The following NOTCH3 variants were observed in gnomAD, a reference collection of about 807,000 sequenced individuals.
The protein encoded by NOTCH3 is notch receptor 3.
In NOTCH3, 86 loss-of-function variants were observed where a neutral mutation model predicts 213.3. The observed-to-expected ratio is 0.40, with a 90% CI of 0.34 to 0.48. The LOEUF (loss-of-function observed/expected upper bound fraction) is 0.48, where lower values mean the gene tolerates loss of function less well. Among genes scored for constraint, NOTCH3 ranks in the 20% least tolerant of loss-of-function variants. NOTCH3 has a pLI of 0.57. For missense variants in NOTCH3, 2,783 were observed against 3,272.6 expected, an observed-to-expected ratio of 0.85 and a Z score of 3.65; for synonymous variants, 1,354 against 1,355.9, an observed-to-expected ratio of 1.00 and a Z score of 0.03.
Position 15,184,382 on chromosome 19 carries a change from TG to T in NOTCH3, c.2478del (p.Cys826Ter). The T allele has an allele frequency of 6.2e-7, 1 of 1,613,820 alleles. No individual in the cohort carries two copies. Among genetic ancestry groups the T allele is most frequent in the Non-Finnish European group, 8.5e-7 (1 of 1,179,934 alleles). On this transcript the variant is annotated frameshift_variant, in exon 16 of 33. Transcript: ENST00000263388. LOFTEE classifies it high-confidence loss of function. ...GPAPCGPHGICTNLAGSFSCT... is the reference protein window; with the variant it reads ...GPAPCGPHGIXTNLAGSFSCT... Reference sequence around the variant, plus strand: ...CAGCTGAAACTCCCTGCCAGGTTGGTGCAGATACCATGAGGGCCACAGGGTG... The same window carrying T: ...CAGCTGAAACTCCCTGCCAGGTTGGTCAGATACCATGAGGGCCACAGGGTG...
chr19:15,168,517 G>T (rs2046703939), intron 28 of NOTCH3, among the ~76,000 whole-genome samples: 4 of 152,090 alleles, frequency 2.6e-5, no homozygotes, highest in Admixed American at 2.6e-4. Flanking sequence ...GGATCTGTAT[G>T]GACTCAATTG....
intron 29 of NOTCH3, among the ~76,000 whole-genome samples, chr19:15,166,809 G>C (rs2074622): frequency 0.9 from 136,807 of 151,792 alleles, 61,969 homozygotes; most frequent in African/African-American, 0.98. Context: ...CGCTCCACCA[G>C]CAGACCCGAC....
chr19:15,183,384 T>TTTTGTTGGTTTG (rs2046855441), intron 16 of NOTCH3, among the ~76,000 whole-genome samples: 1 of 150,178 alleles, frequency 6.7e-6, no homozygotes, highest in Admixed American at 6.7e-5. Flanking sequence ...CAGCACCCCT[T>TTTTGTTGGTTTG]TTTGTTTGTT....
At position 15,189,045 on chromosome 19, in the gene NOTCH3, C is replaced by T. The variant is rs1188038977; in HGVS notation, c.1322G>A (p.Arg441Gln). ...DVNECLSGPC[R>Q]NQATCLDRIG... ...GCGGTCGAGGCACGTGGCCTGGTTT[C>T]GGCAGGGCCCCGACAGACACTCGTT... The change falls in exon 8 of 33, where the codon CGA becomes CAA. Residue 441 changes from arginine to glutamine, a missense_variant. Coordinates refer to ENST00000263388, the MANE Select transcript of NOTCH3 (RefSeq NM_000435.3). The T allele has an allele frequency of 4.3e-6, 7 of 1,613,146 alleles. No individual in the cohort carries two copies. The highest frequency in any genetic ancestry group is 4.5e-5 in the East Asian group (2 of 44,880).
At position 15,187,348 on chromosome 19, in the gene NOTCH3, CAA is replaced by C. The variant is rs2046891476; in HGVS notation, c.1607-12_1607-11del. On this transcript the variant is annotated splice_polypyrimidine_tract_variant and intron_variant, in intron 10 of 32. Coordinates refer to ENST00000263388, the MANE Select transcript of NOTCH3 (RefSeq NM_000435.3). ...AGCGTGCCCTCAAAGCCTGTGGGGC[CAA>C]GAGGGTCAGGCTCCGCCCACTTGCC... 1 of 1,610,746 alleles carries C rather than the reference CAA, an allele frequency of 6.2e-7. No individual in the cohort carries two copies. Among genetic ancestry groups the C allele is most frequent in the Non-Finnish European group, 8.5e-7 (1 of 1,178,432 alleles).
At position 15,165,284 on chromosome 19, in the gene NOTCH3, C is replaced by T. The variant is rs1200958585; in HGVS notation, c.5815+84G>A. The T allele has an allele frequency of 3.5e-6, 5 of 1,419,694 alleles. No homozygotes were observed. Among genetic ancestry groups the T allele is most frequent in the African/African-American group, 2.8e-5 (2 of 71,348 alleles). The allele number at this position is 1,419,694 out of a possible 1,614,324, so 87.9% of individuals were successfully genotyped here. A position where few individuals can be genotyped will look rare whatever the true frequency, so the allele number is the denominator to read the frequency against. ...GTGAGCTTCAGTGATTGGGTCTCAA[C>T]ATGGGTATGAATTTGCACCAACATG... is the stretch of plus-strand genomic sequence containing the variant. On this transcript the variant is annotated intron_variant, in intron 31 of 32. Transcript: ENST00000263388. The surrounding 1 kb of genome is among the most constrained non-coding windows in gnomAD (Gnocchi z 4.7).
At position 15,161,622 on chromosome 19, in the gene NOTCH3, G is replaced by A. The variant is rs765505445; in HGVS notation, c.6006C>T (p.Asp2002=). 51 of 1,613,550 alleles carry A rather than the reference G, an allele frequency of 3.2e-5. No homozygotes were observed. Among genetic ancestry groups the A allele is most frequent in the Non-Finnish European group, 4.2e-5 (49 of 1,179,822 alleles). The change falls in exon 33 of 33, where the codon GAC becomes GAT. Residue 2002 remains aspartate (D), a synonymous_variant. Transcript: ENST00000263388. The part of the protein sequence containing the change: ...LDHFANREIT[D]HLDRLPRDVA... The stretch of plus-strand genomic sequence containing the variant: ...CGTCCCGCGGCAGCCTGTCCAGGTG[G>A]TCGGTGATCTCACGGTTGGCAAAGT...
intron 24 of NOTCH3, among the ~76,000 whole-genome samples, 195 bp from the exon 25 acceptor site, chr19:15,174,595 G>A (rs1028481938): frequency 6.7e-6 from 1 of 148,182 alleles, no homozygotes; most frequent in Non-Finnish European, 1.5e-5. Flanking sequence ...TTTTTGAGAC[G>A]GAGTCTTGCT....
At chr19:15,169,776 G>C (rs2046715470) in intron 28 of NOTCH3, among the ~76,000 whole-genome samples, 1 of 152,158 alleles carries the variant, frequency 6.6e-6, no homozygotes, top group South Asian at 2.1e-4. Flanking sequence ...TGGGCTGGGG[G>C]GACACCTCCA....
intron 2 of NOTCH3, among the ~76,000 whole-genome samples, chr19:15,193,911 G>A (rs1450353829): frequency 1.3e-5 from 2 of 151,510 alleles, no homozygotes; most frequent in African/African-American, 2.4e-5. Flanking sequence ...GTGAAACCTC[G>A]TCGCTACTAA....
chr19:15,171,028 G>C (rs962049381), intron 25 of NOTCH3, among the ~76,000 whole-genome samples: 2 of 152,142 alleles, frequency 1.3e-5, no homozygotes, highest in African/African-American at 4.8e-5. Flanking sequence ...AGTCCCCCCA[G>C]AGCCATGAAT....
At chr19:15,166,549 C>G (rs1056464204) in intron 29 of NOTCH3, among the ~76,000 whole-genome samples, 1 of 152,066 alleles carries the variant, frequency 6.6e-6, no homozygotes, top group African/African-American at 2.4e-5. Flanking sequence ...CATAAAATCC[C>G]AGGCACTTCA....
Position 15,180,682 on chromosome 19 carries a change from G to C in NOTCH3, c.3141C>G (p.Ile1047Met), listed in dbSNP as rs1318025219. ...SLPCREAAAQ[I>M]GVRLEQLCQA... ...GCCCGCCCACATGCTCCCACTCACCGATCTGGGCTGCGGCCTCCCTGCAGG... is the reference window on the plus strand; with the variant it reads ...GCCCGCCCACATGCTCCCACTCACCCATCTGGGCTGCGGCCTCCCTGCAGG... Residue 1047 changes from isoleucine to methionine, a missense_variant and splice_region_variant, in exon 19 of 33, where the codon ATC becomes ATG. Physicochemically the swap from Ile to Met is conservative, Grantham distance 10 (BLOSUM62 1). Transcript: ENST00000263388. 6.4e-7 allele frequency: 1 copy of C among 1,552,396 alleles called. No homozygotes were observed. The highest frequency in any genetic ancestry group is 2.4e-5 in the East Asian group (1 of 41,390).
intron 25 of NOTCH3, among the ~76,000 whole-genome samples, chr19:15,171,381 A>C (rs2046732840): frequency 6.6e-6 from 1 of 151,606 alleles, no homozygotes; most frequent in African/African-American, 2.4e-5. Context: ...AGACGGTTTC[A>C]CTCTGTCGCC....
At position 15,184,957 on chromosome 19, in the gene NOTCH3, C is replaced by T. The variant is rs1064797234; in HGVS notation, c.2359G>A (p.Glu787Lys). ...ACAGGCAGCTGGCCAGGGGCAGACT[C>T]GCAGCGGCCCCCATGCTCACAGGGG... The part of the protein sequence containing the change: ...PNPCEHGGRC[E>K]SAPGQLPVCS... The change falls in exon 15 of 33, where the codon GAG (glutamate) becomes AAG (lysine). Residue 787 changes from glutamate to lysine, a missense_variant. Coordinates refer to ENST00000263388, the MANE Select transcript of NOTCH3 (RefSeq NM_000435.3). The T allele has an allele frequency of 9.0e-6, 14 of 1,548,592 alleles. No homozygotes were observed. Among genetic ancestry groups the T allele is most frequent in the African/African-American group, 4.1e-5 (3 of 72,954 alleles).
Position 15,177,983 on chromosome 19 carries a change from G to T in NOTCH3, c.3945C>A (p.Cys1315Ter). 7.0e-7 allele frequency: 1 copy of T among 1,429,508 alleles called. No homozygotes were observed. The highest frequency in any genetic ancestry group is 9.1e-7 in the Non-Finnish European group (1 of 1,093,558). The allele number at this position is 1,429,508 out of a possible 1,614,324, so 88.6% of individuals were successfully genotyped here. A position where few individuals can be genotyped will look rare whatever the true frequency, so the allele number is the denominator to read the frequency against. Residue 1315 changes from cysteine (C) to a stop codon, truncating the protein, a stop_gained, in exon 24 of 33, where the codon TGC (cysteine) becomes TGA (stop). Transcript: ENST00000263388. LOFTEE classifies it high-confidence loss of function. ...QQTPRGPRCACPPGLSGPSCR... is the reference protein window; with the variant it reads ...QQTPRGPRCA Reference sequence around the variant, plus strand: ...AGGAGGGTCCCGACAACCCTGGGGGGCAGGCGCAGCGCGGCCCGCGGGGCG... The same window carrying T: ...AGGAGGGTCCCGACAACCCTGGGGGTCAGGCGCAGCGCGGCCCGCGGGGCG...
intron 1 of NOTCH3, among the ~76,000 whole-genome samples, chr19:15,198,887 G>A (rs1019453007): frequency 1.3e-5 from 2 of 151,916 alleles, no homozygotes; most frequent in Non-Finnish European, 2.9e-5. Context: ...TGCCAGCCTG[G>A]CAACAGAGTG....
chr19:15,178,184 C>A, intron 23 of NOTCH3, 94 bp from the exon 24 acceptor site: 2 of 764,234 alleles, frequency 2.6e-6, no homozygotes, highest in Admixed American at 2.5e-5. Context: ...AAAGAAGAGT[C>A]AAGGGGAGAG....
chr19:15,186,032 G>T (rs752913392), intron 12 of NOTCH3, among the ~76,000 whole-genome samples: 32 of 151,558 alleles, frequency 2.1e-4, no homozygotes, highest in Non-Finnish European at 7.4e-5. Context: ...TCAGCCTCCC[G>T]AGTGGCTGGG....
Sources: allele counts gnomAD v4.1 joint callset (sites outside exome capture counted in the v4.1 genomes callset), GRCh38; gene constraint gnomAD v4.1.1; non-coding constraint Gnocchi (gnomAD v3.1); transcripts MANE v1.5; gene names NCBI Gene and HGNC (gene_info 2026-07-23, HGNC 2026-07-21).